Variants in CUBN observed in about 807,000 individuals in gnomAD.
CUBN encodes cubilin.
CUBN carries 282 observed loss-of-function variants against 405.3 expected under a neutral mutation model. That is an observed-to-expected ratio of 0.70 (90% CI 0.63 to 0.77). CUBN has a LOEUF of 0.77. Among genes scored for constraint, CUBN ranks in the 30% least tolerant of loss-of-function variants. The probability of loss-of-function intolerance (pLI) is 0.00; values close to 1 mark genes in which losing one functional copy is unlikely to be tolerated. For missense variants in CUBN, 4,514 were observed against 4,475.2 expected (o/e 1.01, Z -0.25); for synonymous variants, 1,684 against 1,617.0 (o/e 1.04, Z -0.99).
chr10:16,947,415 A>C (rs1842817431), intron 35 of CUBN, 48 bp from the exon 36 acceptor site: 1 of 1,601,452 alleles, frequency 6.2e-7, no homozygotes, highest in African/African-American at 1.3e-5. Context: ...AGACTGCATC[A>C]GACACTATAA....
At chr10:16,941,914 A>C (rs1291103812) in intron 36 of CUBN, among the ~76,000 whole-genome samples, 1 of 152,160 alleles carries the variant, frequency 6.6e-6, no homozygotes, top group South Asian at 2.1e-4. Context: ...GATAATCGTA[A>C]AGCATTTATC....
Position 16,863,031 on chromosome 10 carries a change from T to G in CUBN, c.9454+6605A>C, listed in dbSNP as rs548249080. Among the ~76,000 whole-genome samples the G allele has an allele frequency of 2.1e-3, 321 of 152,366 alleles. 2 individuals carry two copies. Among genetic ancestry groups the G allele is most frequent in the African/African-American group, 7.0e-3 (291 of 41,576 alleles). ...GGGCACAGACTCCAGTGTTGAAATA[T>G]GTTTATTAAGAACCTTTCCTTTCTT... On this transcript the variant is annotated intron_variant, in intron 59 of 66. Transcript: ENST00000377833.
In CUBN at chr10:16,825,390, C is replaced by T. The variant is rs1008051464; in HGVS notation, c.10765-308G>A. On this transcript the variant is annotated intron_variant, in intron 66 of 66. Transcript: ENST00000377833. ...ATGGCCGCACAGCTCTGTGAACCTA[C>T]GAAAAACCACTGAATTGTATACTTT... is the stretch of plus-strand genomic sequence containing the variant. Among the ~76,000 whole-genome samples the T allele has an allele frequency of 1.4e-4, 22 of 151,964 alleles. No homozygotes were observed. The South Asian group carries it at 1.9e-3, about 13-fold the overall frequency.
intron 48 of CUBN, among the ~76,000 whole-genome samples, chr10:16,910,312 C>A (rs1307607065): frequency 6.6e-6 from 1 of 151,882 alleles, no homozygotes; most frequent in African/African-American, 2.4e-5. Flanking sequence ...TCGGCAAGTT[C>A]TCAATCAAAT....
Position 16,835,159 on chromosome 10 carries a change from A to G in CUBN, c.10217T>C (p.Leu3406Pro). The G allele has an allele frequency of 6.2e-7, 1 of 1,614,210 alleles. No homozygotes were observed. Among genetic ancestry groups the G allele is most frequent in the South Asian group, 1.1e-5 (1 of 91,088 alleles). The part of the protein sequence containing the change: ...NRDYHKAFGN[L>P]RSPGWPDNYD... ...GTTATCTGGCCATCCAGGGCTTCTC[A>G]GGTTGCCAAATGCCTTGTGATAGTC... Residue 3406 changes from leucine (L) to proline (P), a missense_variant, in exon 64 of 67, where the codon CTG (leucine) becomes CCG (proline). This residue lies in a region of CUBN where 1,186 missense variants were observed against 1,186.9 expected (regional missense o/e 1.00). Coordinates refer to ENST00000377833, the MANE Select transcript of CUBN (RefSeq NM_001081.4).
intron 32 of CUBN, among the ~76,000 whole-genome samples, chr10:16,953,410 C>T (rs1241299141): frequency 6.6e-6 from 1 of 152,136 alleles, no homozygotes; most frequent in African/African-American, 2.4e-5. Context: ...CTCTTTACTA[C>T]AGAATATAAG....
rs377548534 is a variant in CUBN, at chr10:17,084,364, A to G, written c.2208T>C (p.Tyr736=). ...GTTCTCCCTGGGGCTGCTTCATCAT[A>G]TAGACGCATTGCCTGGTGTGAGTGA... ...GPFTHTRQCV[Y]MMKQPQGEQI... Residue 736 remains tyrosine, a synonymous_variant, in exon 17 of 67, where the codon TAT becomes TAC. Transcript: ENST00000377833. The G allele has an allele frequency of 1.7e-5, 28 of 1,614,156 alleles. 1 individual carries two copies. In the African/African-American group the frequency reaches 2.8e-4, roughly 16 times the overall value.
chr10:17,080,062 TCTC>T (rs1422403631), intron 17 of CUBN, among the ~76,000 whole-genome samples: 1 of 152,184 alleles, frequency 6.6e-6, no homozygotes, highest in African/African-American at 2.4e-5. Context: ...TTATTTTGGT[TCTC>T]TTCTTTTAAA....
chr10:16,923,356 G>T (rs1252346268), intron 43 of CUBN, among the ~76,000 whole-genome samples: 1 of 152,130 alleles, frequency 6.6e-6, no homozygotes, highest in Non-Finnish European at 1.5e-5. Context: ...GAGAAAAATG[G>T]TATAAAACTA....
chr10:17,106,861 C>T (rs757627934), intron 10 of CUBN, among the ~76,000 whole-genome samples: 4 of 152,150 alleles, frequency 2.6e-5, no homozygotes, highest in Non-Finnish European at 4.4e-5. Context: ...GGCTAAATAG[C>T]TATCACAGAA....
In CUBN at chr10:17,111,066, G is replaced by A; in HGVS notation, c.884-16C>T. On this transcript the variant is annotated splice_polypyrimidine_tract_variant and intron_variant, in intron 8 of 66. Coordinates refer to ENST00000377833, the MANE Select transcript of CUBN (RefSeq NM_001081.4). ...CCTTGCCAGCCTAGGAAAACAAGAG[G>A]ATTTAAAAGTTTAGCTCTATAGACA... 6.2e-7 allele frequency: 1 copy of A among 1,613,838 alleles called. No individual in the cohort carries two copies. The highest frequency in any genetic ancestry group is 8.5e-7 in the Non-Finnish European group (1 of 1,179,868).
At chr10:17,003,329 G>A (rs541025566) in intron 28 of CUBN, among the ~76,000 whole-genome samples, 4 of 152,208 alleles carry the variant, frequency 2.6e-5, no homozygotes, top group African/African-American at 9.6e-5. Context: ...ACGGAGAGAA[G>A]GTCTGCGCCT....
intron 27 of CUBN, among the ~76,000 whole-genome samples, chr10:17,026,016 A>G (rs929333158): frequency 2.0e-5 from 3 of 152,164 alleles, no homozygotes; most frequent in African/African-American, 4.8e-5. Context: ...TCATGCTAAA[A>G]GTGAGCAGCA....
rs1184342904 is a variant in CUBN, at chr10:16,857,695, TG to T, written c.9455-6253del. On this transcript the variant is annotated intron_variant, in intron 59 of 66. Coordinates refer to ENST00000377833, the MANE Select transcript of CUBN (RefSeq NM_001081.4). ...ATTTCTTGACTTGATAAAAACCATC[TG>T]CAAAAACCTACAGCTAACAGCATAA... 2.0e-5 allele frequency among the ~76,000 whole-genome samples: 3 copies of T among 152,306 alleles called. No homozygotes were observed. The East Asian group carries it at 5.8e-4, about 29-fold the overall frequency.
At chr10:17,062,679 C>T (rs1835527987) in intron 22 of CUBN, among the ~76,000 whole-genome samples, 2 of 152,192 alleles carry the variant, frequency 1.3e-5, no homozygotes, top group Admixed American at 1.3e-4. Context: ...TTGGGGCTGA[C>T]ATCATAGCCA....
chr10:16,980,605 A>C (rs1243097100), intron 31 of CUBN, among the ~76,000 whole-genome samples: 1 of 151,962 alleles, frequency 6.6e-6, no homozygotes, highest in South Asian at 2.1e-4. Context: ...AAAACCAAAC[A>C]CCGCATATTC....
At chr10:16,853,790 G>A (rs146957947) in intron 59 of CUBN, among the ~76,000 whole-genome samples, 5 of 152,302 alleles carry the variant, frequency 3.3e-5, no homozygotes, top group African/African-American at 1.2e-4. Context: ...TGGAGTTTGA[G>A]CAGCTTTGAT....
intron 27 of CUBN, among the ~76,000 whole-genome samples, chr10:17,032,834 C>T (rs1834814440): frequency 6.6e-6 from 1 of 152,166 alleles, no homozygotes; most frequent in Non-Finnish European, 1.5e-5. Context: ...GGACTAATCT[C>T]CCCTGGTGGT....
At chr10:17,060,350 A>G (rs1835478357) in intron 22 of CUBN, among the ~76,000 whole-genome samples, 1 of 151,734 alleles carries the variant, frequency 6.6e-6, no homozygotes, top group Non-Finnish European at 1.5e-5. Context: ...CGAACTCCCG[A>G]TCTCAGGTGA....
Sources: gnomAD v4.1 joint callset for allele counts (sites outside exome capture counted in the v4.1 genomes callset) on GRCh38, gnomAD v4.1.1 for gene constraint, gnomAD v4.1.1 regional missense constraint, MANE v1.5 for transcripts, NCBI Gene and HGNC (gene_info 2026-07-23, HGNC 2026-07-21) for gene names.